Variants in DAW1 observed in about 807,000 individuals in gnomAD.
The protein encoded by DAW1 is dynein assembly factor with WD repeat domains 1.
DAW1 carries 47 observed loss-of-function variants against 56.5 expected under a neutral mutation model. That is an observed-to-expected ratio of 0.83 (90% CI 0.66 to 1.06). The LOEUF is 1.06. Among genes scored for constraint, DAW1 ranks in the 50% least tolerant of loss-of-function variants. DAW1 has a pLI of 0.00. For missense variants in DAW1, 505 were observed against 499.3 expected, an observed-to-expected ratio of 1.01 and a Z score of -0.11; for synonymous variants, 190 against 179.0, an observed-to-expected ratio of 1.06 and a Z score of -0.49.
intron 9 of DAW1, among the ~76,000 whole-genome samples, chr2:227,906,765 C>T (rs889583650): frequency 7.2e-5 from 11 of 152,132 alleles, no homozygotes; most frequent in African/African-American, 2.7e-4. Flanking sequence ...AATGTACTTT[C>T]CATTTTCTGA....
At position 227,876,020 on chromosome 2, in the gene DAW1, C is replaced by CT. The variant is rs5839239; in HGVS notation, c.40+4304dup. On this transcript the variant is annotated intron_variant, in intron 1 of 12. Transcript: ENST00000309931. ...CAGCTCTAAATGCCTAGGATTCTCT[C>CT]TTTTTTTTTTTTTGAGATGGAGTCT... is the stretch of plus-strand genomic sequence containing the variant. Among the ~76,000 whole-genome samples, 704 of 147,868 alleles carry CT rather than the reference C, an allele frequency of 4.8e-3. 1 individual carries two copies. Among genetic ancestry groups the CT allele is most frequent in the Non-Finnish European group, 7.4e-3 (496 of 66,918 alleles).
chr2:227,880,822 T>A (rs1459322765), intron 1 of DAW1, among the ~76,000 whole-genome samples: 1 of 152,148 alleles, frequency 6.6e-6, no homozygotes, highest in Non-Finnish European at 1.5e-5. Context: ...AAGGAGAAGA[T>A]CCTGAACTCT....
Position 227,921,305 on chromosome 2 carries a change from C to CTTTT in DAW1, c.1051-69_1051-66dup, listed in dbSNP as rs556409280. The CTTTT allele has an allele frequency of 6.9e-5, 30 of 436,384 alleles. No homozygotes were observed. The African/African-American group carries it at 1.2e-3, about 17-fold the overall frequency. The allele number at this position is 436,384 out of a possible 1,614,324, so 27.0% of individuals were successfully genotyped here. ...GGAAGGTGACATGTGCTGTAATGTCCTTTTTTTTTTTTTTTTTTTTTTTTT... is the reference window on the plus strand; with the variant it reads ...GGAAGGTGACATGTGCTGTAATGTCCTTTTTTTTTTTTTTTTTTTTTTTTTTTTT... On this transcript the variant is annotated intron_variant, in intron 11 of 12. Transcript: ENST00000309931.
intron 12 of DAW1, among the ~76,000 whole-genome samples, 184 bp downstream of exon 12, chr2:227,921,745 C>T (rs199952699): frequency 2.6e-5 from 4 of 152,110 alleles, no homozygotes; most frequent in South Asian, 2.1e-4. Flanking sequence ...CAGGAGTGAG[C>T]GCTGCCATTG....
chr2:227,913,988 A>C (rs1691892846), intron 10 of DAW1, among the ~76,000 whole-genome samples: 1 of 147,620 alleles, frequency 6.8e-6, no homozygotes, highest in African/African-American at 2.5e-5. Flanking sequence ...ATATATCTGT[A>C]TCTCTCTCTC....
intron 1 of DAW1, among the ~76,000 whole-genome samples, chr2:227,883,746 T>G (rs929114981): frequency 1.3e-5 from 2 of 152,206 alleles, no homozygotes; most frequent in Non-Finnish European, 2.9e-5. Flanking sequence ...TATTAGAGAT[T>G]TGTTAAAGTA....
chr2:227,872,558 G>A (rs1415040394), intron 1 of DAW1, among the ~76,000 whole-genome samples: 3 of 151,932 alleles, frequency 2.0e-5, no homozygotes, highest in African/African-American at 7.3e-5. Flanking sequence ...CTTTTTTCCA[G>A]TCCCATCCCA....
intron 6 of DAW1, among the ~76,000 whole-genome samples, chr2:227,901,829 T>C (rs1016701885): frequency 4.6e-5 from 7 of 151,966 alleles, no homozygotes; most frequent in Non-Finnish European, 4.4e-5. Flanking sequence ...CAAGGGAGGA[T>C]TTACTCAAAC....
chr2:227,872,276 A>C (rs1423921863), intron 1 of DAW1: 2 of 93,396 alleles, frequency 2.1e-5, no homozygotes, highest in Non-Finnish European at 4.2e-5. Flanking sequence ...AAACATCTGC[A>C]AAAAAAAAAA....
intron 2 of DAW1, among the ~76,000 whole-genome samples, chr2:227,885,730 A>T (rs1488160603): frequency 2.0e-5 from 3 of 152,160 alleles, no homozygotes; most frequent in African/African-American, 7.2e-5. Context: ...CCCTGATGTT[A>T]ACATCTCAGA....
intron 10 of DAW1, among the ~76,000 whole-genome samples, chr2:227,916,636 G>C (rs959752794): frequency 6.6e-6 from 1 of 151,988 alleles, no homozygotes; most frequent in Non-Finnish European, 1.5e-5. Flanking sequence ...TGTCATATCC[G>C]TGATGGCCAT....
At chr2:227,885,769 G>A (rs1691115049) in intron 2 of DAW1, among the ~76,000 whole-genome samples, 1 of 152,074 alleles carries the variant, frequency 6.6e-6, no homozygotes, top group Non-Finnish European at 1.5e-5. Context: ...TAGGATTAAT[G>A]AACCAGTATG....
At chr2:227,904,334 C>G (rs1235271648) in intron 7 of DAW1, among the ~76,000 whole-genome samples, 1 of 152,018 alleles carries the variant, frequency 6.6e-6, no homozygotes, top group African/African-American at 2.4e-5. Context: ...AACCAGGATC[C>G]CCTTATCAGA....
intron 10 of DAW1, among the ~76,000 whole-genome samples, chr2:227,918,122 C>CTCCA (rs368790108): frequency 1.7e-4 from 17 of 97,320 alleles, no homozygotes; most frequent in East Asian, 1.4e-3. Flanking sequence ...CCATCCATTT[C>CTCCA]TCCATCCATC....
chr2:227,918,881 A>G, intron 11 of DAW1, 25 bp downstream of exon 11: 1 of 1,612,428 alleles, frequency 6.2e-7, no homozygotes, highest in Non-Finnish European at 8.5e-7. Context: ...CATTTGGAGG[A>G]GTTTATTTAC....
intron 10 of DAW1, among the ~76,000 whole-genome samples, chr2:227,916,691 A>T (rs1471977410): frequency 6.6e-6 from 1 of 152,086 alleles, no homozygotes; most frequent in Non-Finnish European, 1.5e-5. Flanking sequence ...TCCACATATG[A>T]CCTGTGAAGT....
At chr2:227,888,671 T>C (rs1691186326) in intron 2 of DAW1, among the ~76,000 whole-genome samples, 1 of 152,244 alleles carries the variant, frequency 6.6e-6, no homozygotes, top group Admixed American at 6.5e-5. Context: ...CTGGGCTTGA[T>C]TCTTTCTTAA....
rs1172111555 is a variant in DAW1 at position 227,923,989 on chromosome 2, A to G, written c.*21A>G. On this transcript the variant is annotated 3_prime_UTR_variant, in exon 13 of 13. Transcript: ENST00000309931. ...GTTGACTGAAGGAAGCTGGTCAGTGAGCAACCTTGCTAGCAATGGTAATCA... is the reference window on the plus strand; with the variant it reads ...GTTGACTGAAGGAAGCTGGTCAGTGGGCAACCTTGCTAGCAATGGTAATCA... 6.2e-7 allele frequency: 1 copy of G among 1,613,860 alleles called. No homozygotes were observed. Among genetic ancestry groups the G allele is most frequent in the Non-Finnish European group, 8.5e-7 (1 of 1,179,806 alleles).
At chr2:227,907,389 A>T in intron 10 of DAW1, 137 bp downstream of exon 10, 1 of 654,636 alleles carries the variant, frequency 1.5e-6, no homozygotes. Context: ...TATCGTGACC[A>T]TGTATGGCAC....
Sources: allele counts gnomAD v4.1 joint callset (sites outside exome capture counted in the v4.1 genomes callset), GRCh38; gene constraint gnomAD v4.1.1; transcripts MANE v1.5; gene names NCBI Gene and HGNC (gene_info 2026-07-23, HGNC 2026-07-21).